TAS2R1: variants seen among roughly 807,000 people sequenced by gnomAD.
The protein encoded by TAS2R1 is taste receptor type 2 member 1.
For missense variants in TAS2R1, 370 were observed against 353.4 expected, an observed-to-expected ratio of 1.05 and a Z score of -0.38; for synonymous variants, 141 against 134.2, an observed-to-expected ratio of 1.05 and a Z score of -0.35.
intron 1 of TAS2R1, among the ~76,000 whole-genome samples, chr5:9,708,000 A>G (rs139504353): frequency 7.7e-4 from 118 of 152,258 alleles, no homozygotes; most frequent in African/African-American, 2.5e-3. Flanking sequence ...CTTTATCTCT[A>G]GCGTTTAATG....
intron 2 of TAS2R1, among the ~76,000 whole-genome samples, chr5:9,640,506 A>AAAAC (rs1398330124): frequency 1.3e-5 from 2 of 148,628 alleles, no homozygotes; most frequent in Non-Finnish European, 3.0e-5. Context: ...TTAAAAAAAA[A>AAAAC]AAAAAAAAAA....
intron 2 of TAS2R1, among the ~76,000 whole-genome samples, chr5:9,655,407 G>A (rs1223245165): frequency 6.6e-6 from 1 of 151,844 alleles, no homozygotes; most frequent in Non-Finnish European, 1.5e-5. Context: ...AATAAAAGAT[G>A]AGTAATAATG....
chr5:9,716,041 T>G (rs1734804220), upstream of TAS2R1, among the ~76,000 whole-genome samples: 3 of 152,346 alleles, frequency 2.0e-5, no homozygotes, highest in South Asian at 6.2e-4. Context: ...GAGAGGACTC[T>G]CTAGCTCCTC....
intron 1 of TAS2R1, among the ~76,000 whole-genome samples, chr5:9,697,193 C>A (rs1741379308): frequency 6.6e-6 from 1 of 151,544 alleles, no homozygotes; most frequent in African/African-American, 2.4e-5. Flanking sequence ...AAAAAGACAA[C>A]CTCTTGAAAC....
chr5:9,703,403 T>TC (rs1462020188), intron 1 of TAS2R1, among the ~76,000 whole-genome samples: 1 of 152,114 alleles, frequency 6.6e-6, no homozygotes, highest in Non-Finnish European at 1.5e-5. Context: ...ATCTGACAGG[T>TC]CCAGCAGGCA....
intron 1 of TAS2R1, among the ~76,000 whole-genome samples, chr5:9,660,560 G>C (rs999169336): frequency 1.3e-5 from 2 of 152,138 alleles, no homozygotes; most frequent in Admixed American, 1.3e-4. Context: ...TAAAACCCAT[G>C]CATCCAAACA....
the TAS2R1 span, among the ~76,000 whole-genome samples, chr5:9,875,724 G>A: frequency 6.6e-6 from 1 of 152,186 alleles, no homozygotes; most frequent in African/African-American, 2.4e-5. Flanking sequence ...GTGGGAAAGT[G>A]GGTTATGAGG....
chr5:9,723,087 G>A, the TAS2R1 span, among the ~76,000 whole-genome samples: 5 of 152,204 alleles, frequency 3.3e-5, no homozygotes, highest in African/African-American at 1.2e-4. Context: ...TTTCAGTCTA[G>A]GGTCATATTG....
chr5:9,890,927 C>T, the TAS2R1 span, among the ~76,000 whole-genome samples: 1 of 152,132 alleles, frequency 6.6e-6, no homozygotes, highest in Non-Finnish European at 1.5e-5. Flanking sequence ...ATGTGGACAT[C>T]GTTTTTTGGG....
At chr5:9,850,652 G>A in the TAS2R1 span, among the ~76,000 whole-genome samples, 2 of 152,160 alleles carry the variant, frequency 1.3e-5, no homozygotes, top group East Asian at 3.9e-4. Context: ...CTTCCACATT[G>A]GCAAATGGGC....
chr5:9,714,968 T>C (rs1044259051), upstream of TAS2R1, among the ~76,000 whole-genome samples: 11 of 152,208 alleles, frequency 7.2e-5, no homozygotes, highest in African/African-American at 2.4e-4. Context: ...GATGTGCCAA[T>C]TTGTCAGCCA....
rs10072889 is a variant in TAS2R1, at chr5:9,636,652, T to C, written c.-80-6660A>G. On this transcript the variant is annotated intron_variant, in intron 2 of 2. Coordinates refer to the TAS2R1 transcript ENST00000506620. ...GGATTATGATATTTTCCTGTTAGAC[T>C]ATCCATTTATTTTATCATTATATAA... Among the ~76,000 whole-genome samples the C allele has an allele frequency of 7.7e-3, 1,177 of 152,258 alleles. 15 individuals are homozygous for C. The highest frequency in any genetic ancestry group is 0.027 in the African/African-American group (1,124 of 41,562).
intron 1 of TAS2R1, among the ~76,000 whole-genome samples, chr5:9,687,868 T>C (rs577455268): frequency 6.6e-6 from 1 of 152,336 alleles, no homozygotes; most frequent in African/African-American, 2.4e-5. Flanking sequence ...CCATTCTTTC[T>C]GTAACCTCAA....
At chr5:9,810,066 G>A in the TAS2R1 span, among the ~76,000 whole-genome samples, 1 of 152,160 alleles carries the variant, frequency 6.6e-6, no homozygotes, top group Non-Finnish European at 1.5e-5. Flanking sequence ...TGAAACACAG[G>A]TAGAACAGAG....
chr5:9,786,102 G>T, the TAS2R1 span, among the ~76,000 whole-genome samples: 1 of 152,144 alleles, frequency 6.6e-6, no homozygotes, highest in African/African-American at 2.4e-5. Flanking sequence ...ACATAATCTA[G>T]TTTCTAGAAG....
At chr5:9,814,649 A>G in the TAS2R1 span, among the ~76,000 whole-genome samples, 25 of 152,230 alleles carry the variant, frequency 1.6e-4, no homozygotes, top group African/African-American at 6.0e-4. Context: ...GAATCATTCA[A>G]CAATGACATA....
At chr5:9,663,299 T>C (rs1434515461) in intron 1 of TAS2R1, among the ~76,000 whole-genome samples, 1 of 152,134 alleles carries the variant, frequency 6.6e-6, no homozygotes, top group East Asian at 1.9e-4. Context: ...ACTAAGGCAA[T>C]AAATTTTTAA....
the TAS2R1 span, among the ~76,000 whole-genome samples, chr5:9,753,238 A>G: frequency 1.3e-5 from 2 of 152,194 alleles, no homozygotes; most frequent in East Asian, 3.8e-4. Flanking sequence ...AATGATCACC[A>G]TTCTAACTGG....
chr5:9,702,381 A>G (rs1741506089), intron 1 of TAS2R1, among the ~76,000 whole-genome samples: 1 of 152,178 alleles, frequency 6.6e-6, no homozygotes, highest in East Asian at 1.9e-4. Flanking sequence ...GAGGGTTGCA[A>G]CTGGCATCTA....
Sources: allele counts gnomAD v4.1 joint callset (sites outside exome capture counted in the v4.1 genomes callset), GRCh38; gene constraint gnomAD v4.1.1; transcripts MANE v1.5; gene names NCBI Gene and HGNC (gene_info 2026-07-23, HGNC 2026-07-21).